The following CEMIP variants were observed in gnomAD, a reference collection of about 807,000 sequenced individuals.
CEMIP encodes cell migration inducing hyaluronidase 1.
In CEMIP, 105 loss-of-function variants were observed where a neutral mutation model predicts 156.9. The ratio of observed to expected loss-of-function variants is 0.67; its 90% CI spans 0.57 to 0.79. The LOEUF is 0.79. Among genes scored for constraint, CEMIP ranks in the 30% least tolerant of loss-of-function variants. The probability of loss-of-function intolerance (pLI) is 0.00; values close to 1 mark genes in which losing one functional copy is unlikely to be tolerated. For synonymous variants in CEMIP, 676 were observed against 668.4 expected, an observed-to-expected ratio of 1.01 and a Z score of -0.17; for missense variants, 1,457 against 1,769.4, an observed-to-expected ratio of 0.82 and a Z score of 3.17.
At chr15:80,830,383 G>T (rs1249678951) in intron 1 of CEMIP, among the ~76,000 whole-genome samples, 1 of 152,118 alleles carries the variant, frequency 6.6e-6, no homozygotes, top group Non-Finnish European at 1.5e-5. Context: ...GTCTCTTACA[G>T]TGTCAGACTG....
chr15:80,848,945 C>G, intron 1 of CEMIP, among the ~76,000 whole-genome samples: 1 of 116,336 alleles, frequency 8.6e-6, no homozygotes. Flanking sequence ...TCAGGGATCT[C>G]TTTAGAAATT....
At chr15:80,913,677 A>G (rs1020362130) in intron 14 of CEMIP, among the ~76,000 whole-genome samples, 6 of 152,264 alleles carry the variant, frequency 3.9e-5, no homozygotes, top group Admixed American at 3.9e-4. Context: ...CTTATTAAAT[A>G]GTATCACTGT....
At chr15:80,935,369 CTT>C (rs1185596469) in intron 23 of CEMIP, among the ~76,000 whole-genome samples, 4 of 152,106 alleles carry the variant, frequency 2.6e-5, no homozygotes, top group African/African-American at 7.2e-5. Context: ...CCTTCCCACA[CTT>C]TCTTTCTGAT....
intron 1 of CEMIP, among the ~76,000 whole-genome samples, chr15:80,871,980 C>A (rs547751926): frequency 6.6e-6 from 1 of 152,172 alleles, no homozygotes; most frequent in Non-Finnish European, 1.5e-5. Flanking sequence ...TAAGAGGACA[C>A]GGCCGGCATT....
chr15:80,935,969 C>G (rs1901106315), intron 23 of CEMIP, among the ~76,000 whole-genome samples: 1 of 152,216 alleles, frequency 6.6e-6, no homozygotes, highest in African/African-American at 2.4e-5. Context: ...AACTCCCAAC[C>G]TCAGGTGATC....
chr15:80,941,852 G>T lies in CEMIP; in HGVS notation c.3411G>T (p.Leu1137=). Residue 1137 remains leucine, a synonymous_variant, in exon 26 of 30, where the codon CTG becomes CTT. Coordinates refer to ENST00000394685, the MANE Select transcript of CEMIP (RefSeq NM_001293298.2). ...SHYYWDEDSG[L]LFLKLKAQNE... ...CAGCAATGCTCCTTGTGTGCAGGCT[G>T]TTGTTCCTGAAGCTGAAAGCTCAGA... is the stretch of plus-strand genomic sequence containing the variant. The T allele has an allele frequency of 6.2e-7, 1 of 1,613,432 alleles. No individual in the cohort carries two copies. Among genetic ancestry groups the T allele is most frequent in the South Asian group, 1.1e-5 (1 of 91,044 alleles).
chr15:80,883,893 C>T (rs1898744999), intron 6 of CEMIP, among the ~76,000 whole-genome samples: 1 of 152,228 alleles, frequency 6.6e-6, no homozygotes, highest in African/African-American at 2.4e-5. Flanking sequence ...CACTCAACAT[C>T]CTGGAGCTTG....
intron 23 of CEMIP, 61 bp from the exon 24 acceptor site, chr15:80,936,613 C>T (rs906433040): frequency 3.7e-5 from 53 of 1,422,560 alleles, no homozygotes; most frequent in Non-Finnish European, 4.8e-5. Flanking sequence ...GTTAGCCAGA[C>T]GCTCTTGGAA....
At chr15:80,875,301 C>A (rs1321222398) in intron 3 of CEMIP, among the ~76,000 whole-genome samples, 1 of 152,100 alleles carries the variant, frequency 6.6e-6, no homozygotes, top group Admixed American at 6.6e-5. Flanking sequence ...TCCCAAAGTG[C>A]TGGGATTACA....
At chr15:80,925,857 A>C in intron 19 of CEMIP, 102 bp downstream of exon 19, 1 of 1,486,450 alleles carries the variant, frequency 6.7e-7, no homozygotes, top group Non-Finnish European at 9.0e-7. Flanking sequence ...GGGAAGCCAG[A>C]CATACTGACG....
intron 1 of CEMIP, among the ~76,000 whole-genome samples, chr15:80,863,650 T>C (rs1898041063): frequency 6.6e-6 from 1 of 152,186 alleles, no homozygotes; most frequent in African/African-American, 2.4e-5. Context: ...AGCTTGAGCA[T>C]GGCAGCTGGG....
Position 80,817,176 on chromosome 15 carries a change from G to A in CEMIP, c.-176+37562G>A, listed in dbSNP as rs575087158. On this transcript the variant is annotated intron_variant, in intron 1 of 29. Coordinates refer to ENST00000394685, the MANE Select transcript of CEMIP (RefSeq NM_001293298.2). The stretch of plus-strand genomic sequence containing the variant: ...ATACACAGCGTGGAGCTGGGGATGC[G>A]GAAGGCTGTGGGACAGGCTGCCCTG... Among the ~76,000 whole-genome samples, 126 of 152,254 alleles carry A rather than the reference G, an allele frequency of 8.3e-4. 1 individual carries two copies. Among genetic ancestry groups the A allele is most frequent in the Non-Finnish European group, 1.0e-3 (71 of 68,020 alleles).
intron 1 of CEMIP, among the ~76,000 whole-genome samples, chr15:80,805,744 T>A (rs1398476996): frequency 6.6e-6 from 1 of 152,236 alleles, no homozygotes; most frequent in African/African-American, 2.4e-5. Flanking sequence ...TGAATCAAAT[T>A]TAAATTGCTT....
chr15:80,898,884 G>A (rs1899342050), intron 12 of CEMIP, among the ~76,000 whole-genome samples: 1 of 152,194 alleles, frequency 6.6e-6, no homozygotes, highest in Non-Finnish European at 1.5e-5. Context: ...AGGGAGGTGG[G>A]CAGGAGCATT....
At position 80,929,082 on chromosome 15, in the gene CEMIP, C is replaced by A; in HGVS notation, c.2520C>A (p.Gly840=). The change falls in exon 21 of 30, where the codon GGC becomes GGA. Residue 840 remains glycine (G), a synonymous_variant. Transcript: ENST00000394685. ...AGATAAAGAACAGCTTGTTTGTTGGCGAGAGTGGCAACGTGGGGACGGAAA... is the reference window on the plus strand; with the variant it reads ...AGATAAAGAACAGCTTGTTTGTTGGAGAGAGTGGCAACGTGGGGACGGAAA... ...KQEIKNSLFV[G]ESGNVGTEMM... 3 of 1,614,166 alleles carry A rather than the reference C, an allele frequency of 1.9e-6. No homozygotes were observed.
At chr15:80,930,596 C>T (rs937824055) in intron 21 of CEMIP, among the ~76,000 whole-genome samples, 1 of 152,126 alleles carries the variant, frequency 6.6e-6, no homozygotes, top group African/African-American at 2.4e-5. Flanking sequence ...CATGGAGCCA[C>T]CCCTTGAGAA....
chr15:80,828,442 T>C (rs1167233657), intron 1 of CEMIP, among the ~76,000 whole-genome samples: 1 of 152,082 alleles, frequency 6.6e-6, no homozygotes, highest in Non-Finnish European at 1.5e-5. Context: ...GTGAAAAGTC[T>C]GGTCCAAACA....
chr15:80,809,376 G>T (rs2141621599), intron 1 of CEMIP, among the ~76,000 whole-genome samples: 1 of 152,298 alleles, frequency 6.6e-6, no homozygotes, highest in Middle Eastern at 3.4e-3. Flanking sequence ...ATATTGTGAA[G>T]TCAGCATTTG....
intron 1 of CEMIP, among the ~76,000 whole-genome samples, chr15:80,837,827 A>G (rs1221661298): frequency 6.6e-6 from 1 of 152,224 alleles, no homozygotes; most frequent in Non-Finnish European, 1.5e-5. Context: ...CAGTTGCTAA[A>G]GTAATCCCTC....
Sources: allele counts gnomAD v4.1 joint callset (sites outside exome capture counted in the v4.1 genomes callset), GRCh38; gene constraint gnomAD v4.1.1; transcripts MANE v1.5; gene names NCBI Gene and HGNC (gene_info 2026-07-23, HGNC 2026-07-21).